The following SLIT1 variants were observed in gnomAD, a reference collection of about 807,000 sequenced individuals.
SLIT1 encodes slit homolog 1 protein.
In SLIT1, 66 loss-of-function variants were observed where a neutral mutation model predicts 186.1. That is an observed-to-expected ratio of 0.35 (90% CI 0.29 to 0.44). The LOEUF is 0.44. Among genes scored for constraint, SLIT1 ranks in the 20% least tolerant of loss-of-function variants. The pLI, the probability that SLIT1 is intolerant of heterozygous loss-of-function variation, is 1.00. For missense variants in SLIT1, 1,638 were observed against 2,037.4 expected (o/e 0.80, Z 3.77); for synonymous variants, 761 against 833.8 (o/e 0.91, Z 1.50).
chr10:97,017,848 C>CTTTTT (rs1177419241), intron 28 of SLIT1, among the ~76,000 whole-genome samples: 2 of 134,660 alleles, frequency 1.5e-5, no homozygotes, highest in Non-Finnish European at 1.6e-5. Flanking sequence ...ATTTTCTTTT[C>CTTTTT]TTTTTTTTTT....
At chr10:97,137,136 T>C (rs1849710850) in intron 4 of SLIT1, among the ~76,000 whole-genome samples, 1 of 152,258 alleles carries the variant, frequency 6.6e-6, no homozygotes, top group South Asian at 2.1e-4. Context: ...TTTTATTTTA[T>C]TTTATTTCTT....
chr10:97,036,683 A>G (rs776921161), intron 22 of SLIT1, among the ~76,000 whole-genome samples: 60 of 152,324 alleles, frequency 3.9e-4, no homozygotes, highest in Non-Finnish European at 6.8e-4. Flanking sequence ...CGTAGATTGC[A>G]CTTGGAGTGG....
At chr10:97,138,793 G>T (rs551701244) in intron 4 of SLIT1, among the ~76,000 whole-genome samples, 16 of 152,286 alleles carry the variant, frequency 1.1e-4, no homozygotes, top group African/African-American at 3.6e-4. Flanking sequence ...TGATATGTGT[G>T]CATCTGTGCC....
chr10:97,151,395 G>A (rs1849877855), intron 4 of SLIT1, among the ~76,000 whole-genome samples: 1 of 151,604 alleles, frequency 6.6e-6, no homozygotes, highest in African/African-American at 2.4e-5. Flanking sequence ...AGAGTGGATG[G>A]ATAGGCAGGT....
rs115014350 is a variant in SLIT1 at position 97,069,060 on chromosome 10, C to T, written c.414-2974G>A. On this transcript the variant is annotated intron_variant, in intron 4 of 36. Coordinates refer to ENST00000266058, the MANE Select transcript of SLIT1 (RefSeq NM_003061.3). ...CCTGCCCTAATGGCTTGATGGTTCT[C>T]CTGGTCTGTGGACTTGTGGACTTGT... 6.5e-3 allele frequency among the ~76,000 whole-genome samples: 990 copies of T among 152,320 alleles called. 11 individuals are homozygous for T. Among genetic ancestry groups the T allele is most frequent in the African/African-American group, 0.023 (946 of 41,548 alleles).
At chr10:97,044,765 G>T (rs764483128) in intron 18 of SLIT1, among the ~76,000 whole-genome samples, 3 of 152,144 alleles carry the variant, frequency 2.0e-5, no homozygotes, top group African/African-American at 7.2e-5. Flanking sequence ...GTTTTCACCC[G>T]ACTACTCCAT....
chr10:97,026,874 T>C (rs1382752687), intron 25 of SLIT1, among the ~76,000 whole-genome samples: 1 of 152,200 alleles, frequency 6.6e-6, no homozygotes, highest in East Asian at 1.9e-4. Flanking sequence ...GAAATCATCT[T>C]CGTGTAGGTA....
intron 4 of SLIT1, among the ~76,000 whole-genome samples, chr10:97,095,127 A>G (rs571543802): frequency 6.6e-6 from 1 of 152,318 alleles, no homozygotes; most frequent in East Asian, 1.9e-4. Context: ...TACTGAAAAT[A>G]CAAAAGTTAG....
chr10:97,047,306 G>A (rs1420669895), intron 16 of SLIT1, among the ~76,000 whole-genome samples: 2 of 152,218 alleles, frequency 1.3e-5, no homozygotes, highest in Non-Finnish European at 2.9e-5. Context: ...GATGCTTGCA[G>A]GCATCTATGC....
intron 2 of SLIT1, 44 bp downstream of exon 2, chr10:97,164,775 T>C (rs766948161): frequency 4.8e-5 from 67 of 1,393,794 alleles, no homozygotes; most frequent in Non-Finnish European, 4.7e-5. Flanking sequence ...AGGACTGCCG[T>C]GGCATTGCCA....
intron 1 of SLIT1, among the ~76,000 whole-genome samples, chr10:97,178,402 C>G (rs1261544985): frequency 1.3e-5 from 2 of 152,078 alleles, no homozygotes; most frequent in African/African-American, 2.4e-5. Context: ...AACTGAGGAG[C>G]GTTCTGCAAA....
At chr10:97,160,958 T>G (rs1850017354) in intron 3 of SLIT1, among the ~76,000 whole-genome samples, 1 of 152,140 alleles carries the variant, frequency 6.6e-6, no homozygotes, top group South Asian at 2.1e-4. Context: ...TGACCTCAAG[T>G]GATCCACCCC....
At chr10:97,106,640 T>C (rs1564677593) in intron 4 of SLIT1, among the ~76,000 whole-genome samples, 1 of 135,444 alleles carries the variant, frequency 7.4e-6, no homozygotes, top group Non-Finnish European at 1.6e-5. Flanking sequence ...AAATTAAAGT[T>C]GTTTTTTTTT....
intron 25 of SLIT1, among the ~76,000 whole-genome samples, chr10:97,025,573 T>C (rs1848537859): frequency 6.6e-6 from 1 of 151,976 alleles, no homozygotes; most frequent in Non-Finnish European, 1.5e-5. Context: ...GTGAACTCAG[T>C]GGGGAGTGCA....
Position 97,185,757 on chromosome 10 carries a change from C to G in SLIT1, c.-83G>C. ...GTCCGGGGCCGCCTCCAGGTGCAGTCCCGGGGCAGAGCCACCGAAGAGCCC... is the reference window on the plus strand; with the variant it reads ...GTCCGGGGCCGCCTCCAGGTGCAGTGCCGGGGCAGAGCCACCGAAGAGCCC... On this transcript the variant is annotated 5_prime_UTR_variant, in exon 1 of 37. Coordinates refer to ENST00000266058, the MANE Select transcript of SLIT1 (RefSeq NM_003061.3). The G allele has an allele frequency of 8.0e-7, 1 of 1,244,230 alleles. No individual in the cohort carries two copies. Among genetic ancestry groups the G allele is most frequent in the Non-Finnish European group, 1.1e-6 (1 of 949,578 alleles). 77.1% of individuals were successfully genotyped at this position (1,244,230 alleles called of 1,614,324 possible).
intron 1 of SLIT1, among the ~76,000 whole-genome samples, chr10:97,175,357 G>T (rs1850241683): frequency 6.6e-6 from 1 of 152,076 alleles, no homozygotes; most frequent in African/African-American, 2.4e-5. Flanking sequence ...TTGAACATAG[G>T]TGTACACATA....
chr10:97,021,095 T>C lies in SLIT1; in HGVS notation c.2746+155A>G, dbSNP rs974795378. 2.6e-5 allele frequency among the ~76,000 whole-genome samples: 4 copies of C among 152,216 alleles called. No homozygotes were observed. Among genetic ancestry groups the C allele is most frequent in the African/African-American group, 9.6e-5 (4 of 41,456 alleles). On this transcript the variant is annotated intron_variant, in intron 26 of 36. Coordinates refer to ENST00000266058, the MANE Select transcript of SLIT1 (RefSeq NM_003061.3). The surrounding 1 kb of genome is among the most constrained non-coding windows in gnomAD (Gnocchi z 4.5). ...CTTTTTGTCCATGATATGTCAGGATTGGAAGGCAGCCATCAAGCCGCAGGT... is the reference window on the plus strand; with the variant it reads ...CTTTTTGTCCATGATATGTCAGGATCGGAAGGCAGCCATCAAGCCGCAGGT...
intron 26 of SLIT1, among the ~76,000 whole-genome samples, chr10:97,019,821 C>T (rs1453427435): frequency 1.3e-5 from 2 of 152,054 alleles, no homozygotes; most frequent in African/African-American, 2.4e-5. Context: ...TCAGGCTTCC[C>T]CAGAAGATGC....
intron 4 of SLIT1, among the ~76,000 whole-genome samples, chr10:97,075,937 C>T (rs1400028873): frequency 1.3e-5 from 2 of 152,140 alleles, no homozygotes; most frequent in Non-Finnish European, 1.5e-5. Flanking sequence ...AACTCCTATT[C>T]TTTGGGGGCT....
Sources: gnomAD v4.1 joint callset for allele counts (sites outside exome capture counted in the v4.1 genomes callset) on GRCh38, gnomAD v4.1.1 for gene constraint, Gnocchi (gnomAD v3.1) non-coding constraint, MANE v1.5 for transcripts, NCBI Gene and HGNC (gene_info 2026-07-23, HGNC 2026-07-21) for gene names.